Variants in CAMK2B observed in about 807,000 individuals in gnomAD.
The protein encoded by CAMK2B is calcium/calmodulin dependent protein kinase II beta.
CAMK2B carries 27 observed loss-of-function variants against 93.7 expected under a neutral mutation model. That is an observed-to-expected ratio of 0.29 (90% CI 0.21 to 0.40). CAMK2B has a LOEUF of 0.40. Among genes scored for constraint, CAMK2B ranks in the 10% least tolerant of loss-of-function variants. The pLI is 1.00. For synonymous variants in CAMK2B, 374 were observed against 358.8 expected (o/e 1.04, Z -0.48); for missense variants, 568 against 895.8 (o/e 0.63, Z 4.67).
intron 1 of CAMK2B, among the ~76,000 whole-genome samples, chr7:44,308,924 G>A (rs901431692): frequency 2.0e-5 from 3 of 152,196 alleles, no homozygotes; most frequent in African/African-American, 7.2e-5. Flanking sequence ...CCAGCCGGAA[G>A]GCCCAGAAGG....
In CAMK2B at chr7:44,226,524, G is replaced by A; in HGVS notation, c.1589C>T (p.Pro530Leu). The change falls in exon 20 of 24, where the codon CCC becomes CTC. Residue 530 changes from proline to leucine, a missense_variant. Transcript: ENST00000395749. ...CTCAAGGTGCTACTTACATGGGGTG[G>A]GCAGGGGGCCAGGGATAGTCGGAGA... ...CPSPTIPGPL[P>L]TPSRKQEIIK... The A allele has an allele frequency of 6.9e-7, 1 of 1,448,210 alleles. No homozygotes were observed. The highest frequency in any genetic ancestry group is 9.1e-7 in the Non-Finnish European group (1 of 1,101,764). 89.7% of individuals were successfully genotyped at this position (1,448,210 alleles called of 1,614,324 possible). A position where few individuals can be genotyped will look rare whatever the true frequency, so the allele number is the denominator to read the frequency against.
intron 1 of CAMK2B, among the ~76,000 whole-genome samples, chr7:44,322,084 A>G (rs1796234388): frequency 6.6e-6 from 1 of 152,252 alleles, no homozygotes; most frequent in South Asian, 2.1e-4. Context: ...GGAACACAGG[A>G]GACAACCTAG....
Position 44,229,487 on chromosome 7 carries a change from C to T in CAMK2B, c.1240G>A (p.Asp414Asn), listed in dbSNP as rs1421929860. 6.2e-6 allele frequency: 9 copies of T among 1,441,148 alleles called. No homozygotes were observed. Among genetic ancestry groups the T allele is most frequent in the South Asian group, 5.9e-5 (4 of 68,344 alleles). 89.3% of individuals were successfully genotyped at this position (1,441,148 alleles called of 1,614,324 possible). A position where few individuals can be genotyped will look rare whatever the true frequency, so the allele number is the denominator to read the frequency against. Residue 414 changes from aspartate to asparagine, a missense_variant, in exon 18 of 24, where the codon GAC becomes AAC. Asp to Asn is a conservative substitution (Grantham distance 23). Transcript: ENST00000395749. Reference sequence around the variant, plus strand: ...CCCCTCCTCACTGAGCTCAGGATGTCGGGGACCCTGGGGGCTGAGGCGGAA... The same window carrying T: ...CCCCTCCTCACTGAGCTCAGGATGTTGGGGACCCTGGGGGCTGAGGCGGAA... ...DEDAKAPRVP[D>N]ILSSVRRGSG...
chr7:44,278,574 G>T (rs140395138), intron 2 of CAMK2B, among the ~76,000 whole-genome samples: 3,243 of 152,292 alleles, frequency 0.021, 55 homozygotes, highest in Middle Eastern at 0.065. Flanking sequence ...GGGGGAGGCA[G>T]CCCAGGGCAG....
intron 1 of CAMK2B, among the ~76,000 whole-genome samples, chr7:44,322,800 C>T (rs981097694): frequency 6.6e-6 from 1 of 152,246 alleles, no homozygotes; most frequent in African/African-American, 2.4e-5. Flanking sequence ...GGCCAGTGGC[C>T]TCGTCACACA....
intron 1 of CAMK2B, among the ~76,000 whole-genome samples, chr7:44,300,014 A>ATGTGTC (rs202095071): frequency 0.014 from 1,709 of 125,086 alleles, 16 homozygotes; most frequent in Middle Eastern, 0.035. Flanking sequence ...GTATATGTGT[A>ATGTGTC]TGTGTCTGTG....
chr7:44,306,902 C>T (rs1322296550), intron 1 of CAMK2B, among the ~76,000 whole-genome samples: 5 of 24,036 alleles, frequency 2.1e-4, no homozygotes, highest in African/African-American at 4.7e-4. Context: ...AGCAGGAAGA[C>T]GGTGTGAGCA....
At chr7:44,273,534 G>C (rs1038283080) in intron 2 of CAMK2B, among the ~76,000 whole-genome samples, 2 of 149,384 alleles carry the variant, frequency 1.3e-5, no homozygotes, top group African/African-American at 4.9e-5. Flanking sequence ...TCCCAGCCCT[G>C]GTGCGATGGG....
chr7:44,230,676 C>A (rs1284165785), intron 17 of CAMK2B, among the ~76,000 whole-genome samples: 1 of 152,228 alleles, frequency 6.6e-6, no homozygotes, highest in African/African-American at 2.4e-5. Flanking sequence ...ACAAGGACAG[C>A]ATCTTGGAAC....
chr7:44,282,663 G>T (rs1451230299), intron 2 of CAMK2B, among the ~76,000 whole-genome samples: 1 of 152,244 alleles, frequency 6.6e-6, no homozygotes, highest in Non-Finnish European at 1.5e-5. Context: ...CTCCCAAGAA[G>T]GGGAAACACT....
At chr7:44,290,382 C>G (rs964377545) in intron 1 of CAMK2B, among the ~76,000 whole-genome samples, 4 of 152,260 alleles carry the variant, frequency 2.6e-5, no homozygotes, top group Non-Finnish European at 4.4e-5. Flanking sequence ...AGAGCAGGTC[C>G]TTCTGGAAGA....
chr7:44,228,795 C>A lies in CAMK2B; in HGVS notation c.1468+1G>T. On this transcript the variant is annotated splice_donor_variant, in intron 19 of 23. Transcript: ENST00000395749. LOFTEE classifies it high-confidence loss of function. ...CGGCAGGCCTGGGGGCCACTACTTACACGGGGAGGACAGGGGGCCTAGGAG... is the reference window on the plus strand; with the variant it reads ...CGGCAGGCCTGGGGGCCACTACTTAAACGGGGAGGACAGGGGGCCTAGGAG... 1.3e-6 allele frequency: 2 copies of A among 1,483,420 alleles called. No individual in the cohort carries two copies. The highest frequency in any genetic ancestry group is 1.8e-6 in the Non-Finnish European group (2 of 1,120,094). 91.9% of individuals were successfully genotyped at this position (1,483,420 alleles called of 1,614,324 possible).
At chr7:44,235,438 C>T (rs538844454) in intron 13 of CAMK2B, among the ~76,000 whole-genome samples, 1 of 152,328 alleles carries the variant, frequency 6.6e-6, no homozygotes, top group East Asian at 1.9e-4. Context: ...GGGCCTGGCC[C>T]CAGCCCCCGG....
chr7:44,306,391 T>TGTC (rs1791514884), intron 1 of CAMK2B, among the ~76,000 whole-genome samples: 1 of 152,224 alleles, frequency 6.6e-6, no homozygotes, highest in African/African-American at 2.4e-5. Context: ...CAGCAACAAA[T>TGTC]GTCTTCCTTT....
In CAMK2B at chr7:44,286,639, G is replaced by A. The variant is rs1329246728; in HGVS notation, c.66-2414C>T. 6.6e-6 allele frequency among the ~76,000 whole-genome samples: 1 copy of A among 152,198 alleles called. No individual in the cohort carries two copies. Among genetic ancestry groups the A allele is most frequent in the East Asian group, 1.9e-4 (1 of 5,192 alleles). ...CCTGACCGCAGGTGGGTGGGACAAG[G>A]GCTTCCTCCAGTTGATCCCTCTCCC... On this transcript the variant is annotated intron_variant, in intron 1 of 23. Transcript: ENST00000395749. The surrounding 1 kb of genome is among the most constrained non-coding windows in gnomAD (Gnocchi z 4.0).
rs1282961937 is a variant in CAMK2B at position 44,220,106 on chromosome 7, C to T, written c.1957G>A (p.Val653Met). Reference protein sequence around the residue: ...WHRRDGKWQNVHFHCSGAPVA... With the variant: ...WHRRDGKWQNMHFHCSGAPVA... Reference sequence around the variant, plus strand: ...GGCGCGCCCGAGCAGTGGAAGTGCACGTTCTGCCACTTGCCGTCGCGGCGG... The same window carrying T: ...GGCGCGCCCGAGCAGTGGAAGTGCATGTTCTGCCACTTGCCGTCGCGGCGG... Residue 653 changes from valine (V) to methionine (M), a missense_variant, in exon 23 of 24, where the codon GTG (valine) becomes ATG (methionine). By Grantham distance (21) the Val-to-Met change is conservative (BLOSUM62 1). Around this residue, in one of 4 missense-constraint regions of CAMK2B, gnomAD observed 116 missense variants for 188.0 expected, o/e 0.62. Coordinates refer to ENST00000395749, the MANE Select transcript of CAMK2B (RefSeq NM_001220.5). 5.0e-6 allele frequency: 8 copies of T among 1,609,774 alleles called. No individual in the cohort carries two copies. Among genetic ancestry groups the T allele is most frequent in the African/African-American group, 1.3e-5 (1 of 75,042 alleles).
chr7:44,235,482 T>C (rs2096617113), intron 13 of CAMK2B, among the ~76,000 whole-genome samples: 1 of 151,708 alleles, frequency 6.6e-6, no homozygotes, highest in Admixed American at 6.5e-5. Context: ...AGGATTTTAA[T>C]TACAGAACTA....
intron 2 of CAMK2B, 64 bp from the exon 3 acceptor site, chr7:44,263,128 C>A: frequency 6.6e-7 from 1 of 1,526,548 alleles, no homozygotes; most frequent in South Asian, 1.2e-5. Context: ...AGGGATCGTC[C>A]ATGTCAGGAG....
chr7:44,247,218 T>C, intron 5 of CAMK2B, 26 bp from the exon 6 acceptor site: 6 of 1,607,558 alleles, frequency 3.7e-6, no homozygotes, highest in East Asian at 2.2e-5. Context: ...GGTGGGTTAG[T>C]GCGAGTGGCC....
Sources: gnomAD v4.1 joint callset for allele counts (sites outside exome capture counted in the v4.1 genomes callset) on GRCh38, gnomAD v4.1.1 for gene constraint, gnomAD v4.1.1 regional missense constraint, Gnocchi (gnomAD v3.1) non-coding constraint, MANE v1.5 for transcripts, NCBI Gene and HGNC (gene_info 2026-07-23, HGNC 2026-07-21) for gene names.